Variants in DAPK2 observed in about 807,000 individuals in gnomAD.
DAPK2 encodes the protein death-associated protein kinase 2.
In DAPK2, 35 loss-of-function variants were observed where a neutral mutation model predicts 44.1. The observed-to-expected ratio is 0.79, with a 90% CI of 0.61 to 1.05. DAPK2 has a LOEUF of 1.05. DAPK2 is among the 50% of genes least tolerant of loss of function. The probability of loss-of-function intolerance (pLI) is 0.00; values close to 1 mark genes in which losing one functional copy is unlikely to be tolerated. For missense variants in DAPK2, 453 were observed against 483.2 expected (o/e 0.94, Z 0.59); for synonymous variants, 174 against 182.6 (o/e 0.95, Z 0.38).
intron 6 of DAPK2, among the ~76,000 whole-genome samples, chr15:63,926,528 C>T (rs529236048): frequency 2.0e-5 from 3 of 152,118 alleles, no homozygotes; most frequent in South Asian, 2.1e-4. Context: ...GAGAAGGAGA[C>T]GGAAAGGCCT....
chr15:63,959,304 G>A (rs1481488479), intron 3 of DAPK2, among the ~76,000 whole-genome samples: 1 of 152,114 alleles, frequency 6.6e-6, no homozygotes, highest in African/African-American at 2.4e-5. Flanking sequence ...CTGCAAACAG[G>A]GACAATTTGA....
chr15:63,984,379 T>A (rs181045610), intron 1 of DAPK2, among the ~76,000 whole-genome samples: 2 of 152,256 alleles, frequency 1.3e-5, no homozygotes, highest in East Asian at 3.9e-4. Context: ...TCTAGACCAT[T>A]ATTATTCCCC....
chr15:64,005,492 A>C (rs1407790258), intron 1 of DAPK2, among the ~76,000 whole-genome samples: 1 of 151,826 alleles, frequency 6.6e-6, no homozygotes, highest in African/African-American at 2.4e-5. Flanking sequence ...AGATGTGGAA[A>C]GGGAATGTCT....
chr15:63,921,343 T>C (rs554589838), intron 8 of DAPK2: 2 of 152,268 alleles, frequency 1.3e-5, no homozygotes, highest in African/African-American at 4.8e-5. Flanking sequence ...TGATGTGACC[T>C]TGGGAAAATC....
At chr15:64,035,272 T>C (rs2080147812) in intron 1 of DAPK2, among the ~76,000 whole-genome samples, 1 of 152,192 alleles carries the variant, frequency 6.6e-6, no homozygotes, top group Admixed American at 6.5e-5. Context: ...TATAACATTG[T>C]GCATGCAGTA....
intron 4 of DAPK2, among the ~76,000 whole-genome samples, chr15:63,930,940 A>C (rs73452761): frequency 0.029 from 4,421 of 152,238 alleles, 99 homozygotes; most frequent in African/African-American, 0.064. Flanking sequence ...ACATGTCTGC[A>C]GTCCCAGGTA....
chr15:64,000,139 A>C (rs1344126998), intron 1 of DAPK2, among the ~76,000 whole-genome samples: 1 of 151,716 alleles, frequency 6.6e-6, no homozygotes, highest in Non-Finnish European at 1.5e-5. Context: ...TTTGGATGAA[A>C]GGGGGATGAT....
intron 1 of DAPK2, 57 bp downstream of exon 2, chr15:64,040,113 G>A: frequency 7.2e-7 from 1 of 1,391,522 alleles, no homozygotes; most frequent in Non-Finnish European, 1.0e-6. Context: ...AACTGTGCCA[G>A]AAGAAGCATG....
At chr15:64,018,981 T>G (rs933625120) in intron 1 of DAPK2, among the ~76,000 whole-genome samples, 8 of 152,372 alleles carry the variant, frequency 5.3e-5, no homozygotes, top group African/African-American at 1.9e-4. Flanking sequence ...AGGTGGCTAA[T>G]GCCTGTCCAA....
chr15:64,008,679 T>C (rs2079304659), intron 1 of DAPK2, among the ~76,000 whole-genome samples: 1 of 152,222 alleles, frequency 6.6e-6, no homozygotes. Flanking sequence ...GCACAAATGA[T>C]ATGTATGGTT....
At chr15:64,005,405 CT>C (rs1412203746) in intron 1 of DAPK2, among the ~76,000 whole-genome samples, 1 of 151,054 alleles carries the variant, frequency 6.6e-6, no homozygotes, top group Non-Finnish European at 1.5e-5. Flanking sequence ...AGAAACTTAC[CT>C]TTCCTTGACC....
intron 7 of DAPK2, among the ~76,000 whole-genome samples, chr15:63,925,526 T>G (rs560774570): frequency 6.6e-6 from 1 of 152,246 alleles, no homozygotes; most frequent in Admixed American, 6.5e-5. Flanking sequence ...CATCCCACTG[T>G]ACTGACCTCT....
chr15:64,034,532 A>G (rs936484635), intron 1 of DAPK2, among the ~76,000 whole-genome samples: 1 of 152,174 alleles, frequency 6.6e-6, no homozygotes, highest in African/African-American at 2.4e-5. Flanking sequence ...GGTAGCAATT[A>G]TATGGTTGCT....
rs1210084990 is a variant in DAPK2, at chr15:63,939,220, C to CCTA, written c.583+9_583+11dup. ...GATTCTTAGCTGAAAGACAAACAGG[C>CCTA]CTACAACTCACCAACAAATTCCGGC... On this transcript the variant is annotated intron_variant, in intron 4 of 10. Coordinates refer to ENST00000261891, the Ensembl canonical transcript of DAPK2. This position sits in a 1 kb window ranked among gnomAD's most constrained non-coding sequence, Gnocchi z 4.3. The CCTA allele has an allele frequency of 3.1e-6, 5 of 1,613,398 alleles. No individual in the cohort carries two copies. In the African/African-American group the frequency reaches 6.7e-5, roughly 22 times the overall value.
intron 1 of DAPK2, among the ~76,000 whole-genome samples, chr15:64,038,814 C>G (rs781731554): frequency 1.9e-4 from 29 of 152,190 alleles, no homozygotes; most frequent in Non-Finnish European, 3.8e-4. Context: ...CCCCACATCC[C>G]TAAGCTAAAG....
rs531054122 is a variant in DAPK2, at chr15:63,914,532, A to T, written c.859-2335T>A. Among the ~76,000 whole-genome samples, 4 of 152,276 alleles carry T rather than the reference A, an allele frequency of 2.6e-5. No individual in the cohort carries two copies. The South Asian group carries it at 8.3e-4, about 32-fold the overall frequency. On this transcript the variant is annotated intron_variant, in intron 8 of 10. Transcript: ENST00000261891. ...TAGTCCCCCCCTGGAAGGGAGGCAC[A>T]AAAGTGGATGGAGGGTGACCAATCT...
At chr15:63,945,293 G>T (rs918383378) in intron 3 of DAPK2, among the ~76,000 whole-genome samples, 7 of 152,220 alleles carry the variant, frequency 4.6e-5, no homozygotes, top group African/African-American at 1.4e-4. Context: ...ACTTTCCTGG[G>T]TGGCAGCCTT....
chr15:64,000,475 G>C (rs772566873), intron 1 of DAPK2, among the ~76,000 whole-genome samples: 1 of 152,204 alleles, frequency 6.6e-6, no homozygotes, highest in African/African-American at 2.4e-5. Context: ...CTCTGAATGG[G>C]AGGAGAGAAC....
upstream of DAPK2, among the ~76,000 whole-genome samples, chr15:64,044,666 C>T (rs1014430248): frequency 1.3e-5 from 2 of 152,236 alleles, no homozygotes; most frequent in Non-Finnish European, 2.9e-5. Flanking sequence ...TCCTGAGGGA[C>T]AAGCTAGGAG....
Sources: allele counts gnomAD v4.1 joint callset (sites outside exome capture counted in the v4.1 genomes callset), GRCh38; gene constraint gnomAD v4.1.1; non-coding constraint Gnocchi (gnomAD v3.1); transcripts MANE v1.5; gene names NCBI Gene and HGNC (gene_info 2026-07-23, HGNC 2026-07-21).